The following SAMD11 variants were observed in gnomAD, a reference collection of about 807,000 sequenced individuals.
The protein encoded by SAMD11 is sterile alpha motif domain-containing protein 11.
In SAMD11, 77 loss-of-function variants were observed where a neutral mutation model predicts 64.4. That is an observed-to-expected ratio of 1.20 (90% confidence interval 0.99 to 1.44). The LOEUF (loss-of-function observed/expected upper bound fraction) is 1.44. Among genes scored for constraint, SAMD11 ranks in the 40% most tolerant of loss-of-function variants. The pLI is 0.00. For missense variants in SAMD11, 1,402 were observed against 943.3 expected (o/e 1.49, Z -6.37); for synonymous variants, 658 against 421.9 (o/e 1.56, Z -6.86).
At chr1:926,388 C>T (rs1368732675) in intron 2 of SAMD11, among the ~76,000 whole-genome samples, 1 of 152,224 alleles carries the variant, frequency 6.6e-6, no homozygotes, top group African/African-American at 2.4e-5. Context: ...TCACCGTGTT[C>T]TCTGGCCCAG....
chr1:941,418 G>A (rs1641760124), intron 8 of SAMD11, 112 bp downstream of exon 8: 3 of 1,134,842 alleles, frequency 2.6e-6, no homozygotes, highest in South Asian at 3.3e-5. Flanking sequence ...TCAGCTCTAG[G>A]TTCGGGTCCG....
chr1:933,068 A>G (rs900926473), intron 4 of SAMD11, among the ~76,000 whole-genome samples: 21 of 151,846 alleles, frequency 1.4e-4, no homozygotes, highest in Non-Finnish European at 2.9e-4. Context: ...TGCTTCTCCC[A>G]GCTTCCCCAC....
chr1:931,081 G>C lies in SAMD11; in HGVS notation c.834G>C (p.Ala278=). 1 of 1,612,442 alleles carries C rather than the reference G, an allele frequency of 6.2e-7. No homozygotes were observed. The highest frequency in any genetic ancestry group is 8.5e-7 in the Non-Finnish European group (1 of 1,179,610). ...HWDVNISFRE[A]SCSQDGNLPT... is the part of the protein sequence containing the mutation. ...ACGTGAACATCTCTTTCCGAGAGGC[G>C]TCCTGCAGGTAGGAGCCGTGCTGTG... Residue 278 remains alanine (A), a synonymous_variant, in exon 4 of 14, where the codon GCG becomes GCC. Coordinates refer to ENST00000616016, the MANE Select transcript of SAMD11 (RefSeq NM_001385641.1).
chr1:939,586 C>T, intron 7 of SAMD11, 174 bp downstream of exon 7: 1 of 518,622 alleles, frequency 1.9e-6, no homozygotes, highest in Non-Finnish European at 2.9e-6. Flanking sequence ...TGCCACACGT[C>T]CTGCCCCATG....
At position 935,993 on chromosome 1, in the gene SAMD11, G is replaced by C. The variant is rs545645580; in HGVS notation, c.967+97G>C. The stretch of plus-strand genomic sequence containing the variant: ...CACCAGCAGCCTTGGCAGGCAGCCA[G>C]AGAGGCAGGAGGAGCGGCCTGTCCC... On this transcript the variant is annotated intron_variant, in intron 5 of 13. Coordinates refer to ENST00000616016, the MANE Select transcript of SAMD11 (RefSeq NM_001385641.1). 22 of 1,318,176 alleles carry C rather than the reference G, an allele frequency of 1.7e-5. No individual in the cohort carries two copies. In the African/African-American group the frequency reaches 2.5e-4, roughly 15 times the overall value. 81.7% of individuals were successfully genotyped at this position (1,318,176 alleles called of 1,614,324 possible).
chr1:925,929 T>G lies in SAMD11; in HGVS notation c.525T>G (p.Ser175Arg). 1 of 1,611,032 alleles carries G rather than the reference T, an allele frequency of 6.2e-7. No individual in the cohort carries two copies. Among genetic ancestry groups the G allele is most frequent in the Non-Finnish European group, 8.5e-7 (1 of 1,179,524 alleles). The stretch of plus-strand genomic sequence containing the variant: ...CCTCGGCTCTGCTCGCAGGGAAAAG[T>G]CTGAAGACGCTTATGTCCAAGGGGA... ...WKRSIRHKGK[S>R]LKTLMSKGIL... The change falls in exon 2 of 14, where the codon AGT becomes AGG. Residue 175 changes from serine (S) to arginine (R), a missense_variant. Ser to Arg is a moderately radical substitution (Grantham distance 110). Coordinates refer to ENST00000616016, the MANE Select transcript of SAMD11 (RefSeq NM_001385641.1).
At chr1:938,057 G>A (rs1372757750) in intron 5 of SAMD11, among the ~76,000 whole-genome samples, 1 of 152,050 alleles carries the variant, frequency 6.6e-6, no homozygotes, top group African/African-American at 2.4e-5. Context: ...ATGAGGATGA[G>A]GAAGGGCCAG....
At chr1:931,590 T>C (rs1641173425) in intron 4 of SAMD11, among the ~76,000 whole-genome samples, 1 of 152,106 alleles carries the variant, frequency 6.6e-6, no homozygotes, top group Admixed American at 6.5e-5. Flanking sequence ...ACCTGGCAGC[T>C]CTGGTTCAGT....
chr1:944,178 C>T lies in SAMD11; in HGVS notation c.*25C>T, dbSNP rs1043868046. On this transcript the variant is annotated 3_prime_UTR_variant, in exon 14 of 14. Coordinates refer to ENST00000616016, the MANE Select transcript of SAMD11 (RefSeq NM_001385641.1). The stretch of plus-strand genomic sequence containing the variant: ...AGGTTGCCGGGGGTAGGGGTGGGGC[C>T]ACACAAATCTCCAGGAGCCACCACT... The T allele has an allele frequency of 1.2e-5, 18 of 1,517,740 alleles. No individual in the cohort carries two copies. Among genetic ancestry groups the T allele is most frequent in the Non-Finnish European group, 1.4e-5 (16 of 1,133,098 alleles). 94.0% of individuals were successfully genotyped at this position (1,517,740 alleles called of 1,614,324 possible).
At chr1:930,367 C>G in intron 3 of SAMD11, 31 bp downstream of exon 3, 1 of 1,570,392 alleles carries the variant, frequency 6.4e-7, no homozygotes, top group South Asian at 1.2e-5. Context: ...CAGGAAGGCG[C>G]AAGGCTCAGA....
rs200342492 is a variant in SAMD11 at position 943,258 on chromosome 1, G to T, written c.2059G>T (p.Val687Leu). 1 of 1,612,938 alleles carries T rather than the reference G, an allele frequency of 6.2e-7. No homozygotes were observed. The highest frequency in any genetic ancestry group is 8.5e-7 in the Non-Finnish European group (1 of 1,179,876). Residue 687 changes from valine to leucine, a missense_variant, in exon 12 of 14, where the codon GTA becomes TTA. By Grantham distance (32) the Val-to-Leu change is conservative (BLOSUM62 1). Coordinates refer to ENST00000616016, the MANE Select transcript of SAMD11 (RefSeq NM_001385641.1). ...TAACACGCCCCACAACTCAGGCGCG[G>T]TAGGGGGACTCTCCATGGATGGGGA... ...AVSPYFHTGA[V>L]GGLSMDGEEA...
At chr1:930,606 C>T (rs1363313145) in intron 3 of SAMD11, among the ~76,000 whole-genome samples, 3 of 152,208 alleles carry the variant, frequency 2.0e-5, no homozygotes, top group South Asian at 2.1e-4. Context: ...CTTCCTGGGC[C>T]GACGCTCCAG....
At chr1:927,303 G>A (rs115239915) in intron 2 of SAMD11, among the ~76,000 whole-genome samples, 6,938 of 152,258 alleles carry the variant, frequency 0.046, 522 homozygotes, top group African/African-American at 0.16. Context: ...CCTAGCCTTG[G>A]GTCTCTGTTT....
Position 942,846 on chromosome 1 carries a change from CG to C in SAMD11, c.1846del (p.Ala616LeufsTer72). Reference sequence around the variant, plus strand: ...CGGCCCAGCGAGTCCAAGGAGATGACGGGGGCTAGGCTCTGGGCACAAGATG... The same window carrying C: ...CGGCCCAGCGAGTCCAAGGAGATGACGGGGCTAGGCTCTGGGCACAAGATG... ...SARPSESKEM[T>X]GARLWAQDGS... On this transcript the variant is annotated frameshift_variant, in exon 11 of 14. Coordinates refer to ENST00000616016, the MANE Select transcript of SAMD11 (RefSeq NM_001385641.1). LOFTEE classifies it high-confidence loss of function. The C allele has an allele frequency of 6.4e-7, 1 of 1,551,538 alleles. No individual in the cohort carries two copies. The highest frequency in any genetic ancestry group is 8.7e-7 in the Non-Finnish European group (1 of 1,147,668).
In SAMD11 at chr1:930,451, T is replaced by C. The variant is rs1557601665; in HGVS notation, c.791+115T>C. 6 of 1,205,960 alleles carry C rather than the reference T, an allele frequency of 5.0e-6. No homozygotes were observed. In the Middle Eastern group the frequency reaches 6.9e-4, roughly 138 times the overall value. 74.7% of individuals were successfully genotyped at this position (1,205,960 alleles called of 1,614,324 possible). On this transcript the variant is annotated intron_variant, in intron 3 of 13. Transcript: ENST00000616016. ...CCGGCCTCCCACACCTTCCCTCAGATGCTGGTCTTTTTGGGGTCCTGTGTG... is the reference window on the plus strand; with the variant it reads ...CCGGCCTCCCACACCTTCCCTCAGACGCTGGTCTTTTTGGGGTCCTGTGTG...
rs759411879 is a variant in SAMD11 at position 943,956 on chromosome 1, G to C, written c.2338G>C (p.Ala780Pro). The change falls in exon 14 of 14, where the codon GCT becomes CCT. Residue 780 changes from alanine to proline, a missense_variant. Transcript: ENST00000616016. Reference protein sequence around the residue: ...RVFYVASFPVALPLQPPTLRA... With the variant: ...RVFYVASFPVPLPLQPPTLRA... ...TTTCTACGTGGCCAGCTTCCCCGTGGCTCTGCCACTGCAGCCACCAACCCT... is the reference window on the plus strand; with the variant it reads ...TTTCTACGTGGCCAGCTTCCCCGTGCCTCTGCCACTGCAGCCACCAACCCT... 4 of 1,612,704 alleles carry C rather than the reference G, an allele frequency of 2.5e-6. No individual in the cohort carries two copies. The highest frequency in any genetic ancestry group is 2.2e-5 in the East Asian group (1 of 44,872).
At chr1:935,633 C>G in intron 4 of SAMD11, 139 bp from the exon 5 acceptor site, 1 of 1,176,308 alleles carries the variant, frequency 8.5e-7, no homozygotes, top group Non-Finnish European at 1.2e-6. Flanking sequence ...GGGCCACATG[C>G]CGAGGCGTGG....
intron 5 of SAMD11, among the ~76,000 whole-genome samples, chr1:938,296 C>T (rs1050281657): frequency 2.0e-5 from 3 of 151,328 alleles, no homozygotes; most frequent in African/African-American, 7.3e-5. Flanking sequence ...GCCTGGGCCT[C>T]CCCTCTGCCA....
At chr1:939,189 C>G in intron 6 of SAMD11, 60 bp downstream of exon 6, 1 of 1,551,842 alleles carries the variant, frequency 6.4e-7, no homozygotes, top group Non-Finnish European at 8.7e-7. Context: ...CCCTGAGGGT[C>G]CCCTGGACCT....
Sources: gnomAD v4.1 joint callset for allele counts (sites outside exome capture counted in the v4.1 genomes callset) on GRCh38, gnomAD v4.1.1 for gene constraint, MANE v1.5 for transcripts, NCBI Gene and HGNC (gene_info 2026-07-23, HGNC 2026-07-21) for gene names.